Variants in NF1 observed in about 807,000 individuals in gnomAD.
NF1 encodes the protein neurofibromin 1.
NF1 carries 122 observed loss-of-function variants against 325.7 expected under a neutral mutation model. The observed-to-expected ratio is 0.37, with a 90% CI of 0.32 to 0.44. The LOEUF is 0.44. Ranked by LOEUF, NF1 falls within the 20% of genes least tolerant of loss-of-function variation. The pLI is 1.00. For missense variants in NF1, 2,140 were observed against 3,415.4 expected (o/e 0.63, Z 9.31); for synonymous variants, 1,091 against 1,186.0 (o/e 0.92, Z 1.65).
intron 46 of NF1, 106 bp from the exon 47 acceptor site, chr17:31,340,397 CAT>C: frequency 7.2e-7 from 1 of 1,396,548 alleles, no homozygotes; most frequent in Non-Finnish European, 1.0e-6. Flanking sequence ...AAAGAGAAAA[CAT>C]GGGTAATTTA....
chr17:31,233,177 G>T lies in NF1; in HGVS notation c.3672G>T (p.Ala1224=). The T allele has an allele frequency of 6.2e-7, 1 of 1,614,206 alleles. No homozygotes were observed. The highest frequency in any genetic ancestry group is 8.5e-7 in the Non-Finnish European group (1 of 1,180,032). ...MMGDQGELPI[A]MALANVVPCS... Reference sequence around the variant, plus strand: ...GTGATCAAGGAGAACTCCCTATAGCGATGGCTCTGGCCAATGTGGTTCCTT... The same window carrying T: ...GTGATCAAGGAGAACTCCCTATAGCTATGGCTCTGGCCAATGTGGTTCCTT... The change falls in exon 27 of 58, where the codon GCG becomes GCT. Residue 1224 remains alanine (A), a synonymous_variant. Coordinates refer to ENST00000358273, the MANE Select transcript of NF1 (RefSeq NM_001042492.3).
chr17:31,205,583 G>A (rs1214927741), intron 11 of NF1, among the ~76,000 whole-genome samples: 7 of 152,014 alleles, frequency 4.6e-5, no homozygotes, highest in Non-Finnish European at 1.0e-4. Flanking sequence ...AATTGAAATA[G>A]AAAATACATA....
chr17:31,159,404 CAGAG>C (rs1027907429), intron 3 of NF1, among the ~76,000 whole-genome samples: 1 of 152,136 alleles, frequency 6.6e-6, no homozygotes, highest in Admixed American at 6.5e-5. Context: ...ACGGATCTCT[CAGAG>C]AGTTGTGGGA....
At chr17:31,250,203 C>A (rs2067471498) in intron 30 of NF1, 2 of 319,996 alleles carry the variant, frequency 6.3e-6, no homozygotes, top group Admixed American at 9.2e-5. Flanking sequence ...CAAAAAGGCT[C>A]AAGGAAACTT....
At chr17:31,295,269 T>G (rs775111007) in intron 36 of NF1, 13 of 1,613,994 alleles carry the variant, frequency 8.1e-6, no homozygotes, top group African/African-American at 1.3e-5. Flanking sequence ...TGGAGATGAA[T>G]AGTTAGAGTT....
chr17:31,278,221 G>A (rs527971804), intron 36 of NF1: 20 of 152,114 alleles, frequency 1.3e-4, no homozygotes, highest in African/African-American at 4.1e-4. Flanking sequence ...CTTCCCTCAC[G>A]TATTGATTCT....
intron 5 of NF1, among the ~76,000 whole-genome samples, chr17:31,175,489 A>G (rs2905806): frequency 0.54 from 82,413 of 151,382 alleles, 25,910 homozygotes; most frequent in Middle Eastern, 0.76. Flanking sequence ...TGCTGAGATT[A>G]TAGGCGTGAG....
rs553011387 is a variant in NF1 at position 31,309,670 on chromosome 17, C to T, written c.4836-16150C>T. On this transcript the variant is annotated intron_variant, in intron 36 of 57. Coordinates refer to ENST00000358273, the MANE Select transcript of NF1 (RefSeq NM_001042492.3). ...CTTTGCTTAAAATAAGGAAACCATA[C>T]GGTTCCTCTTTTCAGTTAGCTGAAA... Among the ~76,000 whole-genome samples, 20 of 152,282 alleles carry T rather than the reference C, an allele frequency of 1.3e-4. No individual in the cohort carries two copies. The South Asian group carries it at 1.9e-3, about 14-fold the overall frequency.
At chr17:31,327,266 A>G (rs1426229097) in intron 37 of NF1, among the ~76,000 whole-genome samples, 6 of 152,174 alleles carry the variant, frequency 3.9e-5, no homozygotes, top group African/African-American at 1.4e-4. Flanking sequence ...CCGGCCTTCT[A>G]TAAGATTCTT....
intron 51 of NF1, among the ~76,000 whole-genome samples, chr17:31,354,802 G>A (rs1334497350): frequency 1.3e-5 from 2 of 152,130 alleles, no homozygotes; most frequent in Non-Finnish European, 2.9e-5. Context: ...GACCTGGGCA[G>A]CATAGTCAGA....
At chr17:31,256,551 A>C (rs1050042805) in intron 31 of NF1, among the ~76,000 whole-genome samples, 2 of 152,220 alleles carry the variant, frequency 1.3e-5, no homozygotes, top group African/African-American at 4.8e-5. Flanking sequence ...GAATGCATAC[A>C]TTCATTTTTC....
intron 1 of NF1, among the ~76,000 whole-genome samples, chr17:31,112,718 T>G (rs1913525693): frequency 1.3e-5 from 2 of 152,184 alleles, no homozygotes; most frequent in African/African-American, 4.8e-5. Flanking sequence ...TTTTCCTTGT[T>G]TTTTTGTTCT....
At position 31,226,594 on chromosome 17, in the gene NF1, T is replaced by A. The variant is rs1597712637; in HGVS notation, c.2161T>A (p.Cys721Ser). Residue 721 changes from cysteine (C) to serine (S), a missense_variant, in exon 18 of 58, where the codon TGT becomes AGT. By Grantham distance (112) the Cys-to-Ser change is moderately radical. This residue lies in a region of NF1 where 380 missense variants were observed against 639.3 expected (regional missense o/e 0.59). Transcript: ENST00000358273. ...RHLCEEADIR[C>S]GVDEVSVHNL... ...CCTCTGTGAGGAAGCAGATATCCGG[T>A]GTGGGGTGGATGAAGTGTCAGTGCA... The A allele has an allele frequency of 6.2e-7, 1 of 1,613,854 alleles. No individual in the cohort carries two copies.
At position 31,249,247 on chromosome 17, in the gene NF1, A is replaced by G; in HGVS notation, c.4110+128A>G. ...AATACTGAGTCAGTTTGGATGAATA[A>G]TACATTGAGAATTGTTGGAATTGTC... On this transcript the variant is annotated intron_variant, in intron 30 of 57. Coordinates refer to ENST00000358273, the MANE Select transcript of NF1 (RefSeq NM_001042492.3). 3 of 1,076,558 alleles carry G rather than the reference A, an allele frequency of 2.8e-6. No homozygotes were observed. The Admixed American group carries it at 5.3e-5, about 19-fold the overall frequency. The allele number at this position is 1,076,558 out of a possible 1,614,324, so 66.7% of individuals were successfully genotyped here. A position where few individuals can be genotyped will look rare whatever the true frequency, so the allele number is the denominator to read the frequency against.
At chr17:31,196,204 C>T (rs1461978438) in intron 8 of NF1, among the ~76,000 whole-genome samples, 1 of 151,662 alleles carries the variant, frequency 6.6e-6, no homozygotes, top group Non-Finnish European at 1.5e-5. Context: ...TCCTCATTCA[C>T]GTTTACTATT....
chr17:31,342,907 G>C (rs995012295), intron 47 of NF1, 102 bp from the exon 48 acceptor site: 35 of 1,404,970 alleles, frequency 2.5e-5, no homozygotes, highest in Middle Eastern at 1.8e-4. Context: ...CAAATTGAAA[G>C]GATTACTTAT....
chr17:31,345,774 C>T, intron 48 of NF1: 8 of 1,613,112 alleles, frequency 5.0e-6, no homozygotes, highest in South Asian at 3.3e-5. Context: ...CCAGCACTGG[C>T]TCCTTGATGG....
chr17:31,236,057 G>GTGT (rs769163195), intron 29 of NF1, 36 bp downstream of exon 29: 18 of 1,144,736 alleles, frequency 1.6e-5, no homozygotes, highest in Middle Eastern at 4.3e-4. Context: ...GCTGTTTTTT[G>GTGT]TTTTTTTTTT....
At chr17:31,370,489 A>G (rs919596999) in intron 57 of NF1, among the ~76,000 whole-genome samples, 6 of 152,156 alleles carry the variant, frequency 3.9e-5, no homozygotes, top group Non-Finnish European at 8.8e-5. Context: ...TACCCTCAAC[A>G]TTTAACAGGA....
Sources: allele counts gnomAD v4.1 joint callset (sites outside exome capture counted in the v4.1 genomes callset), GRCh38; gene constraint gnomAD v4.1.1; regional missense constraint gnomAD v4.1.1; transcripts MANE v1.5; gene names NCBI Gene and HGNC (gene_info 2026-07-23, HGNC 2026-07-21).